ATP8A2: variants seen among roughly 807,000 people sequenced by gnomAD.
ATP8A2 encodes the protein ATPase phospholipid transporting 8A2, also known as phospholipid-transporting ATPase IB.
ATP8A2 carries 100 observed loss-of-function variants against 165.6 expected under a neutral mutation model. The observed-to-expected ratio is 0.60, with a 90% CI of 0.51 to 0.71. The LOEUF (loss-of-function observed/expected upper bound fraction) is 0.71. Ranked by LOEUF, ATP8A2 falls within the 30% of genes least tolerant of loss-of-function variation. The pLI is 0.00. For missense variants in ATP8A2, 1,227 were observed against 1,479.5 expected (o/e 0.83, Z 2.80); for synonymous variants, 543 against 548.8 (o/e 0.99, Z 0.15).
chr13:25,418,262 G>A (rs949166074), intron 1 of ATP8A2, among the ~76,000 whole-genome samples: 1 of 150,752 alleles, frequency 6.6e-6, no homozygotes, highest in Non-Finnish European at 1.5e-5. Flanking sequence ...CATTTGCATG[G>A]AACTAGGAAA....
chr13:25,906,485 C>T (rs747671747), intron 33 of ATP8A2, among the ~76,000 whole-genome samples: 10 of 152,192 alleles, frequency 6.6e-5, no homozygotes, highest in Middle Eastern at 6.8e-3. Context: ...CCCAGCACCC[C>T]GAGGCCTGAG....
intron 1 of ATP8A2, among the ~76,000 whole-genome samples, chr13:25,412,952 G>A (rs1328075513): frequency 6.6e-6 from 1 of 152,118 alleles, no homozygotes; most frequent in Non-Finnish European, 1.5e-5. Context: ...TGAGTAGCTG[G>A]GAATACAGGT....
intron 24 of ATP8A2, among the ~76,000 whole-genome samples, chr13:25,638,628 G>T (rs555971704): frequency 6.6e-6 from 1 of 152,226 alleles, no homozygotes; most frequent in African/African-American, 2.4e-5. Context: ...AATCTACATT[G>T]ATTGGTGTAC....
At position 25,750,667 on chromosome 13, in the gene ATP8A2, C is replaced by G. The variant is rs1364258327; in HGVS notation, c.2385-18379C>G. ...AGGAAGTGTGGGGAGCCTGGGGGCCCTGTCGGCAGGTACCTCATATGTGTA... is the reference window on the plus strand; with the variant it reads ...AGGAAGTGTGGGGAGCCTGGGGGCCGTGTCGGCAGGTACCTCATATGTGTA... On this transcript the variant is annotated intron_variant, in intron 25 of 36. Coordinates refer to ENST00000381655, the MANE Select transcript of ATP8A2 (RefSeq NM_016529.6). The surrounding 1 kb of genome is among the most constrained non-coding windows in gnomAD (Gnocchi z 4.3). Among the ~76,000 whole-genome samples the G allele has an allele frequency of 6.6e-6, 1 of 152,134 alleles. No individual in the cohort carries two copies. The highest frequency in any genetic ancestry group is 2.4e-5 in the African/African-American group (1 of 41,428).
chr13:25,505,981 C>A (rs1012818437), intron 2 of ATP8A2, among the ~76,000 whole-genome samples: 1 of 150,892 alleles, frequency 6.6e-6, no homozygotes, highest in Admixed American at 6.6e-5. Flanking sequence ...GTGGAAAGGT[C>A]AAGCAGCTTC....
chr13:25,686,825 G>A (rs1363249364), intron 24 of ATP8A2, among the ~76,000 whole-genome samples: 1 of 151,742 alleles, frequency 6.6e-6, no homozygotes. Context: ...ATGGAATCCT[G>A]CTTCCTAAAC....
intron 24 of ATP8A2, chr13:25,649,141 A>C: frequency 4.5e-6 from 2 of 442,820 alleles, no homozygotes; most frequent in Non-Finnish European, 9.0e-6. Flanking sequence ...CAGCTTTCAC[A>C]GGCATTCTTT....
At chr13:25,984,744 A>G (rs1012482926) in intron 35 of ATP8A2, among the ~76,000 whole-genome samples, 3 of 152,252 alleles carry the variant, frequency 2.0e-5, no homozygotes, top group African/African-American at 7.2e-5. Context: ...AAGAGTCATC[A>G]AAAGCCTCAC....
intron 24 of ATP8A2, among the ~76,000 whole-genome samples, chr13:25,685,123 A>C (rs1377555740): frequency 1.3e-5 from 2 of 152,014 alleles, no homozygotes; most frequent in Admixed American, 1.3e-4. Flanking sequence ...CTCCATCTCT[A>C]TGAAGGCTGA....
Position 25,738,345 on chromosome 13 carries a change from C to G in ATP8A2, c.2385-30701C>G, listed in dbSNP as rs865787168. On this transcript the variant is annotated intron_variant, in intron 25 of 36. Transcript: ENST00000381655. Reference sequence around the variant, plus strand: ...TTTTTCTTTTTGTGCCCCCCTCCCCCCCCCCCACACACACTTCTTCTGGTA... The same window carrying G: ...TTTTTCTTTTTGTGCCCCCCTCCCCGCCCCCCACACACACTTCTTCTGGTA... Among the ~76,000 whole-genome samples, 12 of 126,890 alleles carry G rather than the reference C, an allele frequency of 9.5e-5. 1 individual carries two copies. Among genetic ancestry groups the G allele is most frequent in the African/African-American group, 2.5e-4 (9 of 35,876 alleles). 83.2% of individuals were successfully genotyped at this position (126,890 alleles called of 152,430 possible).
intron 26 of ATP8A2, among the ~76,000 whole-genome samples, chr13:25,773,286 C>A (rs2044666136): frequency 6.6e-6 from 1 of 152,124 alleles, no homozygotes; most frequent in Non-Finnish European, 1.5e-5. Flanking sequence ...TAAGGCATAT[C>A]AAATGTGTAG....
chr13:25,700,834 G>A (rs1036893853), intron 25 of ATP8A2, among the ~76,000 whole-genome samples: 1 of 152,158 alleles, frequency 6.6e-6, no homozygotes, highest in African/African-American at 2.4e-5. Flanking sequence ...ATATGTGATT[G>A]TTTCAGTTCC....
intron 25 of ATP8A2, among the ~76,000 whole-genome samples, chr13:25,714,425 C>T (rs1455149230): frequency 6.6e-6 from 1 of 152,184 alleles, no homozygotes. Flanking sequence ...GTTAGTGCCA[C>T]TTTCCATAGC....
Position 25,468,985 on chromosome 13 carries a change from C to G in ATP8A2, c.85C>G (p.Arg29Gly), listed in dbSNP as rs2035757408. ...SRIRSSVGPV[R>G]SSLGYKKAED... is the part of the protein sequence containing the mutation. ...GCGCCCTGTCTCTGCAGGACCTGTTCGTTCTTCTTTGGGCTATAAGAAGGC... is the reference window on the plus strand; with the variant it reads ...GCGCCCTGTCTCTGCAGGACCTGTTGGTTCTTCTTTGGGCTATAAGAAGGC... The change falls in exon 2 of 37, where the codon CGT becomes GGT. Residue 29 changes from arginine to glycine, a missense_variant. Coordinates refer to ENST00000381655, the MANE Select transcript of ATP8A2 (RefSeq NM_016529.6). 6.2e-7 allele frequency: 1 copy of G among 1,613,954 alleles called. No homozygotes were observed. Among genetic ancestry groups the G allele is most frequent in the Non-Finnish European group, 8.5e-7 (1 of 1,179,864 alleles).
chr13:25,480,920 G>C (rs985657391), intron 2 of ATP8A2, among the ~76,000 whole-genome samples: 1 of 152,136 alleles, frequency 6.6e-6, no homozygotes, highest in Non-Finnish European at 1.5e-5. Context: ...TCCGGAGGCC[G>C]AGGCTGGTGG....
chr13:25,597,199 T>TA, intron 24 of ATP8A2, among the ~76,000 whole-genome samples: 1 of 152,206 alleles, frequency 6.6e-6, no homozygotes, highest in Admixed American at 6.5e-5. Flanking sequence ...ATTTTTTTTT[T>TA]ACCAATCTTT....
At chr13:25,956,634 T>C (rs1313010777) in intron 33 of ATP8A2, among the ~76,000 whole-genome samples, 1 of 152,060 alleles carries the variant, frequency 6.6e-6, no homozygotes, top group Non-Finnish European at 1.5e-5. Flanking sequence ...CACAAACAAA[T>C]GGAAAAACAT....
intron 33 of ATP8A2, among the ~76,000 whole-genome samples, chr13:25,884,962 G>A (rs757631263): frequency 1.3e-5 from 2 of 152,118 alleles, no homozygotes; most frequent in Non-Finnish European, 2.9e-5. Context: ...AGATGTAAGG[G>A]GCTTGATGCT....
In ATP8A2 at chr13:25,752,077, T is replaced by C. The variant is rs114655289; in HGVS notation, c.2385-16969T>C. ...AAGAGAGTACCAATGGGCATATATA[T>C]TGGTGCAGTCCTACGTAAAGGCAAT... On this transcript the variant is annotated intron_variant, in intron 25 of 36. Coordinates refer to ENST00000381655, the MANE Select transcript of ATP8A2 (RefSeq NM_016529.6). Among the ~76,000 whole-genome samples the C allele has an allele frequency of 9.1e-3, 1,375 of 151,822 alleles. 31 individuals are homozygous for C. Among genetic ancestry groups the C allele is most frequent in the African/African-American group, 0.032 (1,315 of 41,356 alleles).
Sources: gnomAD v4.1 joint callset for allele counts (sites outside exome capture counted in the v4.1 genomes callset) on GRCh38, gnomAD v4.1.1 for gene constraint, Gnocchi (gnomAD v3.1) non-coding constraint, MANE v1.5 for transcripts, NCBI Gene and HGNC (gene_info 2026-07-23, HGNC 2026-07-21) for gene names.